SLC1A6: variants seen among roughly 807,000 people sequenced by gnomAD.
SLC1A6 encodes solute carrier family 1 member 6, also known as excitatory amino acid transporter 4.
Under a neutral mutation model 42.1 loss-of-function variants are expected in SLC1A6, and 15 were observed. The ratio of observed to expected loss-of-function variants is 0.36; its 90% confidence interval spans 0.24 to 0.55. The LOEUF is 0.55. Ranked by LOEUF, SLC1A6 falls within the 20% of genes least tolerant of loss-of-function variation. SLC1A6 has a pLI of 0.88. For missense variants in SLC1A6, 542 were observed against 772.5 expected, an observed-to-expected ratio of 0.70 and a Z score of 3.54; for synonymous variants, 317 against 319.7, an observed-to-expected ratio of 0.99 and a Z score of 0.09.
chr19:14,970,858 G>A (rs535801287), intron 3 of SLC1A6, among the ~76,000 whole-genome samples: 3 of 152,118 alleles, frequency 2.0e-5, no homozygotes, highest in East Asian at 1.9e-4. Context: ...TGAGCCGGGC[G>A]TGGTGGCTCA....
At chr19:14,967,089 T>C (rs1326270153) in intron 4 of SLC1A6, among the ~76,000 whole-genome samples, 1 of 152,102 alleles carries the variant, frequency 6.6e-6, no homozygotes, top group Middle Eastern at 3.2e-3. Flanking sequence ...TCTAAGAGAA[T>C]CATTCACCCT....
At chr19:14,982,455 G>A (rs544367648), upstream of SLC1A6, among the ~76,000 whole-genome samples, 20 of 150,902 alleles carry the variant, frequency 1.3e-4, no homozygotes, top group East Asian at 1.0e-3. Flanking sequence ...CTTGAACCCC[G>A]GAGGCAGAGT....
intron 1 of SLC1A6, among the ~76,000 whole-genome samples, chr19:14,990,515 G>A (rs6511994): frequency 0.7 from 107,112 of 151,942 alleles, 38,071 homozygotes; most frequent in African/African-American, 0.8. Context: ...CATGCCTGTA[G>A]TCCCAGCACT....
intron 9 of SLC1A6, 73 bp from the exon 10 acceptor site, chr19:14,950,463 G>C (rs1046623972): frequency 8.3e-7 from 1 of 1,210,002 alleles, no homozygotes; most frequent in Non-Finnish European, 1.2e-6. Context: ...TGCAGCAGAG[G>C]GGGGTCCCTG....
At chr19:14,967,885 G>A (rs1006203031) in intron 4 of SLC1A6, among the ~76,000 whole-genome samples, 2 of 152,202 alleles carry the variant, frequency 1.3e-5, no homozygotes, top group African/African-American at 2.4e-5. Flanking sequence ...ACCATGGGCT[G>A]GTTCTGGCTC....
At chr19:14,985,495 C>G (rs1181726371) in intron 1 of SLC1A6, among the ~76,000 whole-genome samples, 1 of 152,218 alleles carries the variant, frequency 6.6e-6, no homozygotes, top group Non-Finnish European at 1.5e-5. Context: ...CTTGCTGTCT[C>G]TCACCATTTG....
At chr19:14,960,221 A>G (rs967233581) in intron 6 of SLC1A6, among the ~76,000 whole-genome samples, 3 of 152,254 alleles carry the variant, frequency 2.0e-5, no homozygotes, top group African/African-American at 7.2e-5. Context: ...TACGTGAACA[A>G]ATGAGTGAAT....
chr19:14,981,290 CTA>C (rs1491219110), upstream of SLC1A6, among the ~76,000 whole-genome samples: 1 of 148,200 alleles, frequency 6.7e-6, no homozygotes, highest in Non-Finnish European at 1.5e-5. Context: ...AAGACCTTGT[CTA>C]AAAAAAAAAA....
chr19:14,983,204 GCT>G (rs1056186699), upstream of SLC1A6, among the ~76,000 whole-genome samples: 2 of 152,172 alleles, frequency 1.3e-5, no homozygotes, highest in African/African-American at 4.8e-5. Context: ...AAAGAACCAT[GCT>G]CTGTTATCTT....
chr19:14,977,930 C>T (rs548972581), intron 1 of SLC1A6, among the ~76,000 whole-genome samples: 128 of 152,122 alleles, frequency 8.4e-4, no homozygotes, highest in Non-Finnish European at 1.1e-3. Context: ...TTTTCTCAGT[C>T]CTGTCTGCAT....
chr19:14,950,627 A>T (rs1010681926), intron 9 of SLC1A6, among the ~76,000 whole-genome samples: 7 of 152,206 alleles, frequency 4.6e-5, no homozygotes, highest in South Asian at 2.1e-4. Flanking sequence ...GATATTTTTT[A>T]AAAAATGAGG....
chr19:14,984,654 C>T (rs1202089783), upstream of SLC1A6, among the ~76,000 whole-genome samples: 2 of 152,152 alleles, frequency 1.3e-5, no homozygotes, highest in Non-Finnish European at 2.9e-5. Flanking sequence ...CCATTAAGCT[C>T]GTCTTTTAAC....
chr19:14,984,904 T>TA (rs920625057), intron 1 of SLC1A6, among the ~76,000 whole-genome samples: 2 of 152,172 alleles, frequency 1.3e-5, no homozygotes, highest in Non-Finnish European at 2.9e-5. Flanking sequence ...TTTGTTTAGA[T>TA]AGAGTCTCGC....
chr19:14,968,526 G>A lies in SLC1A6; in HGVS notation c.344-19C>T. The stretch of plus-strand genomic sequence containing the variant: ...GCCATACCTGAAGGACAGATGATGT[G>A]GCCCCCGCAGCTCCATGCATACCCA... On this transcript the variant is annotated intron_variant, in intron 3 of 9. Coordinates refer to ENST00000594383, the MANE Select transcript of SLC1A6 (RefSeq NM_005071.3). 2 of 1,589,482 alleles carry A rather than the reference G, an allele frequency of 1.3e-6. No individual in the cohort carries two copies. The highest frequency in any genetic ancestry group is 1.7e-6 in the Non-Finnish European group (2 of 1,165,238).
At chr19:14,986,881 C>T (rs958439138) in intron 1 of SLC1A6, among the ~76,000 whole-genome samples, 1 of 152,064 alleles carries the variant, frequency 6.6e-6, no homozygotes, top group Non-Finnish European at 1.5e-5. Flanking sequence ...CTGAAACTGG[C>T]TTTTGTTAAA....
chr19:14,951,811 C>A (rs137879438), intron 9 of SLC1A6, among the ~76,000 whole-genome samples: 2 of 150,838 alleles, frequency 1.3e-5, no homozygotes, highest in South Asian at 2.1e-4. Flanking sequence ...AGCCACCACA[C>A]CCGGCCTGTT....
At chr19:14,992,732 C>T (rs938820753) in intron 1 of SLC1A6, among the ~76,000 whole-genome samples, 1 of 152,048 alleles carries the variant, frequency 6.6e-6, no homozygotes, top group Non-Finnish European at 1.5e-5. Flanking sequence ...ACCCCAGGTC[C>T]ACTCTGACCA....
At chr19:14,956,896 C>T (rs773306189) in intron 6 of SLC1A6, among the ~76,000 whole-genome samples, 187 bp from the exon 7 acceptor site, 11 of 152,064 alleles carry the variant, frequency 7.2e-5, no homozygotes, top group Non-Finnish European at 1.0e-4. Context: ...TGAATGAAGC[C>T]CACCTCCTCC....
chr19:14,982,346 C>G (rs1056598748), upstream of SLC1A6, among the ~76,000 whole-genome samples: 3 of 152,002 alleles, frequency 2.0e-5, no homozygotes, highest in Admixed American at 6.6e-5. Flanking sequence ...CCTGGCCAAC[C>G]TGGTGAAACC....
Sources: allele counts gnomAD v4.1 joint callset (sites outside exome capture counted in the v4.1 genomes callset), GRCh38; gene constraint gnomAD v4.1.1; transcripts MANE v1.5; gene names NCBI Gene and HGNC (gene_info 2026-07-23, HGNC 2026-07-21).